The following BANP variants were observed in gnomAD, a reference collection of about 807,000 sequenced individuals.
The protein encoded by BANP is BTG3 associated nuclear protein.
Under a neutral mutation model 68.1 loss-of-function variants are expected in BANP, and 11 were observed. The observed-to-expected ratio is 0.16, with a 90% CI of 0.10 to 0.27. BANP has a LOEUF of 0.27. BANP is among the 10% of genes least tolerant of loss of function. The pLI, the probability that BANP is intolerant of heterozygous loss-of-function variation, is 1.00. For missense variants in BANP, 504 were observed against 722.7 expected (o/e 0.70, Z 3.47); for synonymous variants, 329 against 303.2 (o/e 1.09, Z -0.88).
chr16:87,972,794 T>A (rs1456629582), intron 1 of BANP, among the ~76,000 whole-genome samples: 15 of 152,234 alleles, frequency 9.9e-5, no homozygotes, highest in Non-Finnish European at 1.6e-4. Context: ...ACATTTTGTG[T>A]TCAGTTCCAA....
Position 88,034,256 on chromosome 16 carries a change from C to T in BANP, c.1200+1011C>T, listed in dbSNP as rs372181260. Among the ~76,000 whole-genome samples the T allele has an allele frequency of 1.1e-3, 166 of 152,292 alleles. 2 individuals are homozygous for T. The East Asian group carries it at 0.028, about 26-fold the overall frequency. ...TTATTAATTTGTTTGACATTCACAA[C>T]GGCAGTTCCTCTCATCTTGTTAGTA... On this transcript the variant is annotated intron_variant, in intron 9 of 13. Transcript: ENST00000682872.
intron 11 of BANP, among the ~76,000 whole-genome samples, chr16:88,048,044 CACCAAGGCCTG>C (rs1374913764): frequency 7.9e-5 from 12 of 152,232 alleles, no homozygotes; most frequent in Non-Finnish European, 1.8e-4. Flanking sequence ...GCTCAAAGAG[CACCAAGGCCTG>C]CTGGGCCCTC....
intron 3 of BANP, among the ~76,000 whole-genome samples, chr16:87,981,416 G>A (rs1246556142): frequency 6.6e-6 from 1 of 152,188 alleles, no homozygotes; most frequent in Non-Finnish European, 1.5e-5. Context: ...GTCTGTGACT[G>A]TTTCCCCTTC....
intron 4 of BANP, among the ~76,000 whole-genome samples, chr16:87,994,592 G>T (rs1438003096): frequency 6.6e-6 from 1 of 152,138 alleles, no homozygotes; most frequent in Non-Finnish European, 1.5e-5. Context: ...TTTTAATGCC[G>T]ATTTATTTTT....
intron 12 of BANP, among the ~76,000 whole-genome samples, chr16:88,066,908 G>A (rs540902129): frequency 1.7e-4 from 26 of 152,350 alleles, no homozygotes; most frequent in African/African-American, 5.3e-4. Flanking sequence ...GTGGCTGTGC[G>A]AGGCTGGGTG....
chr16:88,067,670 T>G (rs1010416373), intron 12 of BANP, among the ~76,000 whole-genome samples: 1 of 150,526 alleles, frequency 6.6e-6, no homozygotes, highest in Admixed American at 6.6e-5. Context: ...CAGCCCCCCC[T>G]GCACCCCACG....
chr16:87,969,939 G>A (rs1383923433), intron 1 of BANP: 2 of 118,122 alleles, frequency 1.7e-5, no homozygotes, highest in Non-Finnish European at 3.3e-5. Flanking sequence ...ACAGAGTCTT[G>A]CTCTGTCACT....
Position 88,064,777 on chromosome 16 carries a change from G to C in BANP, c.1312-490G>C, listed in dbSNP as rs2088020842. Among the ~76,000 whole-genome samples, 1 of 152,230 alleles carries C rather than the reference G, an allele frequency of 6.6e-6. No individual in the cohort carries two copies. The highest frequency in any genetic ancestry group is 2.4e-5 in the African/African-American group (1 of 41,468). Reference sequence around the variant, plus strand: ...GGGGGTGCTGCCGCTCTTGCCCGCAGGGCACTCCTCTGGCTGGGATAGGAG... The same window carrying C: ...GGGGGTGCTGCCGCTCTTGCCCGCACGGCACTCCTCTGGCTGGGATAGGAG... On this transcript the variant is annotated intron_variant, in intron 11 of 13. Transcript: ENST00000682872. This position sits in a 1 kb window ranked among gnomAD's most constrained non-coding sequence, Gnocchi z 4.5.
chr16:88,050,500 C>T (rs1392170730), intron 11 of BANP, among the ~76,000 whole-genome samples: 1 of 152,076 alleles, frequency 6.6e-6, no homozygotes, highest in East Asian at 1.9e-4. Flanking sequence ...TTAAGACACA[C>T]ACTTGTTAAT....
intron 11 of BANP, among the ~76,000 whole-genome samples, chr16:88,040,746 G>A (rs1422780361): frequency 6.6e-6 from 1 of 152,248 alleles, no homozygotes; most frequent in Non-Finnish European, 1.5e-5. Flanking sequence ...CCTGGTGTGA[G>A]CACTGGCTTG....
intron 11 of BANP, among the ~76,000 whole-genome samples, chr16:88,043,299 G>C (rs1260376254): frequency 1.3e-5 from 2 of 152,218 alleles, no homozygotes; most frequent in African/African-American, 4.8e-5. Flanking sequence ...AGCTGAGCCT[G>C]GGTCTTTGGC....
chr16:88,007,023 A>G (rs1320175389), intron 6 of BANP, among the ~76,000 whole-genome samples: 1 of 151,222 alleles, frequency 6.6e-6, no homozygotes, highest in East Asian at 2.0e-4. Context: ...CTGTGATCCC[A>G]CCATTCTGAG....
intron 7 of BANP, among the ~76,000 whole-genome samples, chr16:88,022,338 C>T (rs576753064): frequency 5.1e-4 from 78 of 152,336 alleles, no homozygotes; most frequent in African/African-American, 1.9e-3. Flanking sequence ...TGAACACACC[C>T]GATCTCGTCT....
intron 12 of BANP, among the ~76,000 whole-genome samples, chr16:88,070,089 G>A (rs1294134463): frequency 6.6e-6 from 1 of 152,118 alleles, no homozygotes; most frequent in Non-Finnish European, 1.5e-5. Flanking sequence ...GTGCCTTTCT[G>A]AATACCACGT....
intron 11 of BANP, among the ~76,000 whole-genome samples, 171 bp from the exon 12 acceptor site, chr16:88,065,096 C>T (rs1367770597): frequency 6.6e-6 from 1 of 152,172 alleles, no homozygotes; most frequent in Admixed American, 6.5e-5. Flanking sequence ...TAATAAAGAG[C>T]CCTTTGGGGA....
At chr16:87,992,225 G>T (rs1223225637) in intron 4 of BANP, among the ~76,000 whole-genome samples, 2 of 152,158 alleles carry the variant, frequency 1.3e-5, no homozygotes, top group African/African-American at 4.8e-5. Context: ...TCATCTACAT[G>T]TATTGTGCTT....
chr16:88,010,622 G>C (rs1290314709), intron 6 of BANP, among the ~76,000 whole-genome samples: 2 of 152,240 alleles, frequency 1.3e-5, no homozygotes, highest in Non-Finnish European at 2.9e-5. Flanking sequence ...CCACACTGCT[G>C]TGCGGATTTA....
Position 88,033,112 on chromosome 16 carries a change from C to T in BANP, c.1067C>T (p.Pro356Leu), listed in dbSNP as rs754021644. 56 of 1,602,286 alleles carry T rather than the reference C, an allele frequency of 3.5e-5. No individual in the cohort carries two copies. The highest frequency in any genetic ancestry group is 1.3e-4 in the Admixed American group (8 of 59,402). Residue 356 changes from proline (P) to leucine (L), a missense_variant, in exon 9 of 14, where the codon CCG (proline) becomes CTG (leucine). Pro to Leu is a moderately conservative substitution (Grantham distance 98). Coordinates refer to ENST00000682872, the MANE Select transcript of BANP (RefSeq NM_001386991.1). ...TTCACACCTGTTGCCCCCACAGAGC[C>T]GATGATGAGCACCCCACCTCCTGCC... is the stretch of plus-strand genomic sequence containing the variant. ...PNSSSYCPSE[P>L]MMSTPPPASE...
In BANP at chr16:88,057,231, C is replaced by T. The variant is rs991274333; in HGVS notation, c.1312-8036C>T. Among the ~76,000 whole-genome samples, 3 of 152,274 alleles carry T rather than the reference C, an allele frequency of 2.0e-5. No individual in the cohort carries two copies. The highest frequency in any genetic ancestry group is 3.4e-3 in the Middle Eastern group (1 of 294). ...GCACGGGATGCTTCGAAGTGGGGTA[C>T]GGGCCAGCCGCCAAGAGCTCACCCA... On this transcript the variant is annotated intron_variant, in intron 11 of 13. Transcript: ENST00000682872. This position sits in a 1 kb window ranked among gnomAD's most constrained non-coding sequence, Gnocchi z 4.6.
Sources: allele counts gnomAD v4.1 joint callset (sites outside exome capture counted in the v4.1 genomes callset), GRCh38; gene constraint gnomAD v4.1.1; non-coding constraint Gnocchi (gnomAD v3.1); transcripts MANE v1.5; gene names NCBI Gene and HGNC (gene_info 2026-07-23, HGNC 2026-07-21).